Variants in VCL observed in about 807,000 individuals in gnomAD.
The protein encoded by VCL is epididymis luminal protein 114.
In VCL, 47 loss-of-function variants were observed where a neutral mutation model predicts 125.7. The ratio of observed to expected loss-of-function variants is 0.37; its 90% CI spans 0.30 to 0.48. The LOEUF is 0.48. Among genes scored for constraint, VCL ranks in the 20% least tolerant of loss-of-function variants. VCL has a pLI of 0.99. For synonymous variants in VCL, 458 were observed against 514.6 expected (o/e 0.89, Z 1.49); for missense variants, 1,069 against 1,455.5 (o/e 0.73, Z 4.32).
At chr10:74,055,600 A>G (rs575301547) in intron 2 of VCL, among the ~76,000 whole-genome samples, 106 of 152,188 alleles carry the variant, frequency 7.0e-4, no homozygotes, top group South Asian at 6.6e-3. Flanking sequence ...GGTTCAGTCA[A>G]TCCTCCCAGA....
intron 2 of VCL, among the ~76,000 whole-genome samples, chr10:74,046,612 C>T (rs1841200445): frequency 3.3e-5 from 5 of 152,192 alleles, no homozygotes; most frequent in South Asian, 4.1e-4. Context: ...CTTGCATTTA[C>T]CTTACATTAA....
chr10:74,052,578 T>G lies in VCL; in HGVS notation c.239+9425T>G, dbSNP rs188573416. On this transcript the variant is annotated intron_variant, in intron 2 of 21. Transcript: ENST00000211998. ...TTTTGGTAGAGAGGGGGTTTCACCA[T>G]TTTGCCCAGGGTGGTCTCAAACTCC... Among the ~76,000 whole-genome samples the G allele has an allele frequency of 1.6e-3, 236 of 152,128 alleles. 1 individual carries two copies. The highest frequency in any genetic ancestry group is 5.4e-3 in the African/African-American group (223 of 41,524).
chr10:74,028,119 A>G (rs1398549146), intron 1 of VCL, among the ~76,000 whole-genome samples: 1 of 152,184 alleles, frequency 6.6e-6, no homozygotes, highest in Non-Finnish European at 1.5e-5. Flanking sequence ...CCTGTTGCCC[A>G]GGCCAGAGTG....
At chr10:74,004,984 C>T (rs576869657) in intron 1 of VCL, among the ~76,000 whole-genome samples, 1 of 152,160 alleles carries the variant, frequency 6.6e-6, no homozygotes, top group Admixed American at 6.5e-5. Context: ...CGGTCACAGA[C>T]ATGAGCCACC....
intron 1 of VCL, among the ~76,000 whole-genome samples, chr10:74,039,056 C>T (rs535838968): frequency 1.3e-5 from 2 of 152,072 alleles, no homozygotes; most frequent in Non-Finnish European, 2.9e-5. Context: ...GGATTATAGG[C>T]ATCCGCCACC....
intron 1 of VCL, among the ~76,000 whole-genome samples, chr10:74,009,881 TA>T (rs1263622347): frequency 2.0e-5 from 3 of 152,114 alleles, no homozygotes; most frequent in Non-Finnish European, 4.4e-5. Context: ...GTGTTGGGAT[TA>T]CAGGCATGAA....
chr10:74,024,121 A>G (rs1293041002), intron 1 of VCL, among the ~76,000 whole-genome samples: 2 of 152,218 alleles, frequency 1.3e-5, no homozygotes, highest in African/African-American at 4.8e-5. Flanking sequence ...AACTTATAAT[A>G]TTCTGCCTGT....
rs565481841 is a variant in VCL, at chr10:74,074,999, T to G, written c.783+96T>G. Reference sequence around the variant, plus strand: ...GTCTCATACTTTATCTTGTAATTTTTGTAGCATAAGAGTACTCAGATATTG... The same window carrying G: ...GTCTCATACTTTATCTTGTAATTTTGGTAGCATAAGAGTACTCAGATATTG... On this transcript the variant is annotated intron_variant, in intron 6 of 21. Coordinates refer to ENST00000211998, the MANE Select transcript of VCL (RefSeq NM_014000.3). 16 of 1,508,902 alleles carry G rather than the reference T, an allele frequency of 1.1e-5. No homozygotes were observed. The Admixed American group carries it at 2.6e-4, about 24-fold the overall frequency. 93.5% of individuals were successfully genotyped at this position (1,508,902 alleles called of 1,614,324 possible).
intron 2 of VCL, among the ~76,000 whole-genome samples, chr10:74,050,494 C>T (rs1841280229): frequency 6.6e-6 from 1 of 152,140 alleles, no homozygotes; most frequent in African/African-American, 2.4e-5. Flanking sequence ...ATGCTTTATA[C>T]TTAATTTAGA....
intron 6 of VCL, chr10:74,077,886 A>G (rs1234858068): frequency 3.0e-5 from 8 of 268,624 alleles, no homozygotes; most frequent in Non-Finnish European, 5.3e-5. Context: ...AGTAACTTTG[A>G]CTTTAAACAC....
chr10:74,057,147 G>T (rs968874211), intron 2 of VCL, among the ~76,000 whole-genome samples: 1 of 151,894 alleles, frequency 6.6e-6, no homozygotes, highest in East Asian at 1.9e-4. Context: ...GTCTCGCTAC[G>T]TAGTCTAGGC....
In VCL at chr10:74,043,022, G is replaced by A. The variant is rs968858909; in HGVS notation, c.169-61G>A. 3.6e-5 allele frequency: 51 copies of A among 1,426,430 alleles called. No homozygotes were observed. The Admixed American group carries it at 7.9e-4, about 22-fold the overall frequency. 88.4% of individuals were successfully genotyped at this position (1,426,430 alleles called of 1,614,324 possible). ...AAGTATATGTTTCAAATATGCTTAA[G>A]TAATAGTTTTTTAAAGTCTGAGAAT... is the stretch of plus-strand genomic sequence containing the variant. On this transcript the variant is annotated intron_variant, in intron 1 of 21. Coordinates refer to ENST00000211998, the MANE Select transcript of VCL (RefSeq NM_014000.3).
intron 1 of VCL, among the ~76,000 whole-genome samples, chr10:74,021,850 A>C (rs1369558249): frequency 6.6e-6 from 1 of 151,994 alleles, no homozygotes; most frequent in Non-Finnish European, 1.5e-5. Context: ...TTTTCCAACA[A>C]ATGTTCCGTT....
chr10:74,029,680 A>G (rs1840838645), intron 1 of VCL, among the ~76,000 whole-genome samples: 1 of 152,174 alleles, frequency 6.6e-6, no homozygotes, highest in Admixed American at 6.6e-5. Context: ...TGCCTAGCCT[A>G]TGTGATTGTG....
rs374309823 is a variant in VCL at position 74,097,321 on chromosome 10, A to C, written c.1861A>C (p.Asn621His). 2 of 1,613,344 alleles carry C rather than the reference A, an allele frequency of 1.2e-6. No individual in the cohort carries two copies. The highest frequency in any genetic ancestry group is 1.7e-6 in the Non-Finnish European group (2 of 1,179,794). The change falls in exon 13 of 22, where the codon AAC becomes CAC. Residue 621 changes from asparagine to histidine, a missense_variant. Asn to His is a moderately conservative substitution (Grantham distance 68). Coordinates refer to ENST00000211998, the MANE Select transcript of VCL (RefSeq NM_014000.3). This position sits in a 1 kb window ranked among gnomAD's most constrained non-coding sequence, Gnocchi z 4.1. ...VAATAPPDAP[N>H]REEVFDERAA... is the part of the protein sequence containing the mutation. The stretch of plus-strand genomic sequence containing the variant: ...AGCCACGGCGCCTCCTGATGCGCCT[A>C]ACAGGGAAGAGGTGGGTATCTGAGG...
chr10:74,008,861 G>C (rs532385960), intron 1 of VCL, among the ~76,000 whole-genome samples: 16 of 152,202 alleles, frequency 1.1e-4, no homozygotes, highest in Non-Finnish European at 2.4e-4. Context: ...GGTCCATTCA[G>C]TCAGTTCTTG....
intron 12 of VCL, among the ~76,000 whole-genome samples, chr10:74,096,462 A>T (rs1839971231): frequency 6.6e-6 from 1 of 152,190 alleles, no homozygotes; most frequent in Non-Finnish European, 1.5e-5. Context: ...ACACATAATT[A>T]TTAAAATAAA....
At chr10:74,036,026 T>C (rs1840969842) in intron 1 of VCL, among the ~76,000 whole-genome samples, 1 of 152,230 alleles carries the variant, frequency 6.6e-6, no homozygotes, top group Admixed American at 6.5e-5. Flanking sequence ...GACAAGCATC[T>C]GTGGGTTTTG....
rs1171896930 is a variant in VCL, at chr10:74,103,809, G to T, written c.2023-11G>T. The T allele has an allele frequency of 6.2e-7, 1 of 1,613,362 alleles. No individual in the cohort carries two copies. The highest frequency in any genetic ancestry group is 8.5e-7 in the Non-Finnish European group (1 of 1,179,454). On this transcript the variant is annotated splice_polypyrimidine_tract_variant and intron_variant, in intron 14 of 21. Coordinates refer to ENST00000211998, the MANE Select transcript of VCL (RefSeq NM_014000.3). ...GTGCTCTGGTGTTTAAAGGTGTTTT[G>T]TCATTGTCAGGTGGTCTCGGCTGCT...
Sources: allele counts gnomAD v4.1 joint callset (sites outside exome capture counted in the v4.1 genomes callset), GRCh38; gene constraint gnomAD v4.1.1; non-coding constraint Gnocchi (gnomAD v3.1); transcripts MANE v1.5; gene names NCBI Gene and HGNC (gene_info 2026-07-23, HGNC 2026-07-21).